Variants in KIAA1958 observed in about 807,000 individuals in gnomAD.
KIAA1958 encodes the protein uncharacterized protein KIAA1958.
A neutral mutation model predicts 47.2 loss-of-function variants in KIAA1958; 14 were observed. The observed-to-expected ratio is 0.30, with a 90% CI of 0.20 to 0.46. KIAA1958 has a LOEUF of 0.46. Ranked by LOEUF, KIAA1958 falls within the 20% of genes least tolerant of loss-of-function variation. The probability of loss-of-function intolerance (pLI) is 1.00; values close to 1 mark genes in which losing one functional copy is unlikely to be tolerated. For synonymous variants in KIAA1958, 354 were observed against 353.3 expected (o/e 1.00, Z -0.02); for missense variants, 803 against 909.2 (o/e 0.88, Z 1.50).
At chr9:112,499,765 T>C (rs1834102928) in intron 1 of KIAA1958, among the ~76,000 whole-genome samples, 1 of 150,418 alleles carries the variant, frequency 6.6e-6, no homozygotes, top group South Asian at 2.1e-4. Context: ...CTCAGCTTAC[T>C]GCAAGCTCCG....
chr9:112,538,446 G>C (rs542727892), intron 1 of KIAA1958, among the ~76,000 whole-genome samples: 4 of 152,258 alleles, frequency 2.6e-5, no homozygotes, highest in African/African-American at 9.6e-5. Context: ...AGCAAAATGA[G>C]TAGGTGAAAA....
intron 3 of KIAA1958, among the ~76,000 whole-genome samples, chr9:112,653,037 G>A (rs1449170383): frequency 2.0e-5 from 3 of 152,138 alleles, no homozygotes; most frequent in Admixed American, 6.5e-5. Flanking sequence ...ACTTCAAGAG[G>A]TAGACATAAA....
chr9:112,614,813 G>A (rs1472627590), intron 2 of KIAA1958, among the ~76,000 whole-genome samples: 1 of 152,196 alleles, frequency 6.6e-6, no homozygotes, highest in Admixed American at 6.5e-5. Flanking sequence ...AGTCATCTTT[G>A]TGTATGTTAG....
Position 112,659,793 on chromosome 9 carries a change from C to G in KIAA1958, c.1875C>G (p.His625Gln), listed in dbSNP as rs557158092. ...GKIYHEHSRG[H>Q]KQCPYCLLYK... ...TCTACCATGAGCATTCCCGGGGACACAAACAGTGCCCTTACTGCCTCCTCT... is the reference window on the plus strand; with the variant it reads ...TCTACCATGAGCATTCCCGGGGACAGAAACAGTGCCCTTACTGCCTCCTCT... The change falls in exon 4 of 4, where the codon CAC (histidine) becomes CAG (glutamine). Residue 625 changes from histidine to glutamine, a missense_variant. By Grantham distance (24) the His-to-Gln change is conservative. Coordinates refer to ENST00000337530, the MANE Select transcript of KIAA1958 (RefSeq NM_133465.4). The G allele has an allele frequency of 1.9e-6, 3 of 1,614,168 alleles. No individual in the cohort carries two copies. Among genetic ancestry groups the G allele is most frequent in the Admixed American group, 1.7e-5 (1 of 60,024 alleles).
At chr9:112,509,608 C>G (rs1834290628) in intron 1 of KIAA1958, among the ~76,000 whole-genome samples, 1 of 151,990 alleles carries the variant, frequency 6.6e-6, no homozygotes, top group Non-Finnish European at 1.5e-5. Context: ...TAAGGTAAGG[C>G]AAAAAGGATT....
chr9:112,555,674 T>C (rs1835227498), intron 1 of KIAA1958, among the ~76,000 whole-genome samples: 1 of 152,230 alleles, frequency 6.6e-6, no homozygotes, highest in South Asian at 2.1e-4. Context: ...ACAGACGCTG[T>C]GCGCTCGAAT....
chr9:112,645,605 G>T, intron 2 of KIAA1958, 45 bp from the exon 3 acceptor site: 1 of 1,349,424 alleles, frequency 7.4e-7, no homozygotes, highest in Non-Finnish European at 1.0e-6. Flanking sequence ...CTCTAAAGAA[G>T]GGAATGGCAA....
At chr9:112,519,412 G>C (rs1165254772) in intron 1 of KIAA1958, among the ~76,000 whole-genome samples, 1 of 152,200 alleles carries the variant, frequency 6.6e-6, no homozygotes, top group Non-Finnish European at 1.5e-5. Flanking sequence ...GAAGTTTTAT[G>C]ATGTAGTTTT....
chr9:112,545,706 A>G (rs1209011417), intron 1 of KIAA1958, among the ~76,000 whole-genome samples: 4 of 151,796 alleles, frequency 2.6e-5, no homozygotes, highest in African/African-American at 9.7e-5. Flanking sequence ...GGAAAGGCAG[A>G]CTTCTGGTCT....
chr9:112,624,620 A>C (rs1410089030), intron 2 of KIAA1958, among the ~76,000 whole-genome samples: 1 of 152,198 alleles, frequency 6.6e-6, no homozygotes. Context: ...AAAATTCCTC[A>C]TGGTCCAGCC....
intron 1 of KIAA1958, among the ~76,000 whole-genome samples, chr9:112,566,106 TGTTA>T (rs1414763009): frequency 6.6e-6 from 1 of 152,072 alleles, no homozygotes; most frequent in Non-Finnish European, 1.5e-5. Flanking sequence ...GGTTTCACCA[TGTTA>T]GCCAGGATGG....
chr9:112,532,860 C>G (rs763462668), intron 1 of KIAA1958, among the ~76,000 whole-genome samples: 2 of 152,162 alleles, frequency 1.3e-5, no homozygotes, highest in African/African-American at 2.4e-5. Flanking sequence ...TAATGGCTCT[C>G]AAATAGCCCT....
At chr9:112,606,374 A>G (rs543954157) in intron 2 of KIAA1958, among the ~76,000 whole-genome samples, 1 of 152,082 alleles carries the variant, frequency 6.6e-6, no homozygotes, top group African/African-American at 2.4e-5. Context: ...ATCTGCTTAG[A>G]AAAAAAAATT....
intron 1 of KIAA1958, among the ~76,000 whole-genome samples, chr9:112,546,706 C>T (rs6477951): frequency 0.95 from 145,321 of 152,228 alleles, 69,436 homozygotes; most frequent in African/African-American, 0.99. Context: ...TTGTATATTA[C>T]ATGCTTCTGC....
chr9:112,525,350 C>T (rs945045335), intron 1 of KIAA1958, among the ~76,000 whole-genome samples: 6 of 152,306 alleles, frequency 3.9e-5, no homozygotes, highest in African/African-American at 1.4e-4. Context: ...GTCACCCTTA[C>T]CCATCCTCTC....
chr9:112,527,119 G>T (rs562744854), intron 1 of KIAA1958, among the ~76,000 whole-genome samples: 1 of 152,202 alleles, frequency 6.6e-6, no homozygotes, highest in African/African-American at 2.4e-5. Flanking sequence ...TAGAGATAGG[G>T]TTACTCTGTC....
chr9:112,552,826 T>C (rs1287063091), intron 1 of KIAA1958, among the ~76,000 whole-genome samples: 1 of 152,170 alleles, frequency 6.6e-6, no homozygotes, highest in African/African-American at 2.4e-5. Context: ...GGCATGCAGC[T>C]GTGTACAATT....
intron 2 of KIAA1958, among the ~76,000 whole-genome samples, chr9:112,638,859 A>G (rs1836851138): frequency 6.6e-6 from 1 of 152,114 alleles, no homozygotes; most frequent in South Asian, 2.1e-4. Flanking sequence ...TCAGTTCACA[A>G]ATCATCTATG....
intron 1 of KIAA1958, among the ~76,000 whole-genome samples, chr9:112,502,945 T>C (rs1834168817): frequency 6.6e-6 from 1 of 152,250 alleles, no homozygotes; most frequent in African/African-American, 2.4e-5. Context: ...ATGATGATTA[T>C]AGAGACTGTT....
Sources: gnomAD v4.1 joint callset for allele counts (sites outside exome capture counted in the v4.1 genomes callset) on GRCh38, gnomAD v4.1.1 for gene constraint, MANE v1.5 for transcripts, NCBI Gene and HGNC (gene_info 2026-07-23, HGNC 2026-07-21) for gene names.